The following SEC24A variants were observed in gnomAD, a reference collection of about 807,000 sequenced individuals.
SEC24A encodes SEC24 homolog A, COPII component.
In SEC24A, 93 loss-of-function variants were observed where a neutral mutation model predicts 129.4. The observed-to-expected ratio is 0.72, with a 90% CI of 0.61 to 0.85. The LOEUF is 0.85. Ranked by LOEUF, SEC24A falls within the 40% of genes least tolerant of loss-of-function variation. SEC24A has a pLI of 0.00. For missense variants in SEC24A, 1,264 were observed against 1,307.4 expected (o/e 0.97, Z 0.51); for synonymous variants, 460 against 467.3 (o/e 0.98, Z 0.20).
At chr5:134,701,863 T>C (rs1034805180) in intron 15 of SEC24A, among the ~76,000 whole-genome samples, 5 of 152,110 alleles carry the variant, frequency 3.3e-5, no homozygotes, top group African/African-American at 1.2e-4. Flanking sequence ...CTTGCTTAGG[T>C]TTCTCTTTTT....
At chr5:134,673,144 C>A (rs1388897221) in intron 4 of SEC24A, among the ~76,000 whole-genome samples, 2 of 147,486 alleles carry the variant, frequency 1.4e-5, no homozygotes, top group African/African-American at 5.0e-5. Context: ...CAACCTCCAA[C>A]TCCCTGGTTC....
At chr5:134,723,053 C>G (rs538692031) in intron 21 of SEC24A, among the ~76,000 whole-genome samples, 141 of 152,200 alleles carry the variant, frequency 9.3e-4, no homozygotes, top group African/African-American at 3.2e-3. Flanking sequence ...CTTGGTGGGG[C>G]TGAGGTGAGA....
intron 6 of SEC24A, among the ~76,000 whole-genome samples, 200 bp from the exon 7 acceptor site, chr5:134,675,823 T>G (rs1751040033): frequency 6.6e-6 from 1 of 152,242 alleles, no homozygotes; most frequent in Non-Finnish European, 1.5e-5. Flanking sequence ...TATATTTTAG[T>G]TATAGGATAA....
rs866284883 is a variant in SEC24A, at chr5:134,675,093, C to T, written c.1027C>T (p.Leu343=). 1 of 1,612,632 alleles carries T rather than the reference C, an allele frequency of 6.2e-7. No individual in the cohort carries two copies. The highest frequency in any genetic ancestry group is 1.3e-5 in the African/African-American group (1 of 74,914). Residue 343 remains leucine (L), a synonymous_variant, in exon 6 of 23, where the codon CTA becomes TTA. Transcript: ENST00000398844. ...AACCACAAGCATGAGTGGATTAAGT[C>T]TACAACCAGAGGGTCTAAGAGTTGT... ...HLTTSMSGLS[L]QPEGLRVVNL... is the part of the protein sequence containing the mutation.
In SEC24A at chr5:134,693,917, A is replaced by G. The variant is rs1751740786; in HGVS notation, c.1970A>G (p.His657Arg). Residue 657 changes from histidine (H) to arginine (R), a missense_variant, in exon 13 of 23, where the codon CAC becomes CGC. By Grantham distance (29) the His-to-Arg change is conservative. Coordinates refer to ENST00000398844, the MANE Select transcript of SEC24A (RefSeq NM_021982.3). ...GALKPREEPN[H>R]RSSAKDIHMT... is the part of the protein sequence containing the mutation. ...CTGAAACCACGAGAGGAACCAAACC[A>G]CAGGTCATCTGCTAAGGTTAGAGAG... The G allele has an allele frequency of 1.2e-6, 2 of 1,613,798 alleles. No individual in the cohort carries two copies. Among genetic ancestry groups the G allele is most frequent in the Admixed American group, 1.7e-5 (1 of 59,966 alleles).
At chr5:134,652,695 C>T (rs1750101632) in intron 1 of SEC24A, among the ~76,000 whole-genome samples, 1 of 152,206 alleles carries the variant, frequency 6.6e-6, no homozygotes, top group South Asian at 2.1e-4. Flanking sequence ...TCAAGCGATT[C>T]TCCTGCCTCA....
At chr5:134,697,616 C>T (rs764526284) in intron 14 of SEC24A, among the ~76,000 whole-genome samples, 2 of 152,062 alleles carry the variant, frequency 1.3e-5, no homozygotes, top group African/African-American at 2.4e-5. Flanking sequence ...ACTAGCCAGA[C>T]ATGGTGGCGC....
In SEC24A at chr5:134,674,704, A is replaced by C. The variant is rs377599789; in HGVS notation, c.907A>C (p.Thr303Pro). 1.0e-4 allele frequency: 165 copies of C among 1,613,934 alleles called. No homozygotes were observed. The highest frequency in any genetic ancestry group is 2.7e-4 in the Admixed American group (16 of 59,982). Reference sequence around the variant, plus strand: ...CTTACCACCTGGTTATCAGAACACAACACCACCTGGTGCAACTGGAGTACC... The same window carrying C: ...CTTACCACCTGGTTATCAGAACACACCACCACCTGGTGCAACTGGAGTACC... ...PSLPPGYQNT[T>P]PPGATGVPPS... The change falls in exon 5 of 23, where the codon ACA (threonine) becomes CCA (proline). Residue 303 changes from threonine to proline, a missense_variant. Thr to Pro is a conservative substitution (Grantham distance 38). Transcript: ENST00000398844.
In SEC24A at chr5:134,696,988, C is replaced by T. The variant is rs184936984; in HGVS notation, c.1987-138C>T. 3,184 of 504,432 alleles carry T rather than the reference C, an allele frequency of 6.3e-3. 16 individuals carry two copies. Among genetic ancestry groups the T allele is most frequent in the Non-Finnish European group, 8.9e-3 (2,606 of 291,706 alleles). 31.2% of individuals were successfully genotyped at this position (504,432 alleles called of 1,614,324 possible). A position where few individuals can be genotyped will look rare whatever the true frequency, so the allele number is the denominator to read the frequency against. ...CTTAATGAAAAATCAAGTAGTACCACAAAGGAAAAGGACTTTGTAGAATGC... is the reference window on the plus strand; with the variant it reads ...CTTAATGAAAAATCAAGTAGTACCATAAAGGAAAAGGACTTTGTAGAATGC... On this transcript the variant is annotated intron_variant, in intron 13 of 22. Coordinates refer to ENST00000398844, the MANE Select transcript of SEC24A (RefSeq NM_021982.3).
chr5:134,705,972 C>A (rs550613393), intron 17 of SEC24A, among the ~76,000 whole-genome samples: 4 of 151,450 alleles, frequency 2.6e-5, no homozygotes, highest in Admixed American at 2.6e-4. Context: ...ACCACAACCT[C>A]TATCTCCTGG....
chr5:134,715,240 G>T (rs1480534045), intron 19 of SEC24A, 79 bp downstream of exon 19: 2 of 1,219,924 alleles, frequency 1.6e-6, no homozygotes, highest in South Asian at 1.4e-5. Flanking sequence ...ATGAGGAAGG[G>T]TTTGTTTATT....
At chr5:134,663,446 T>G (rs1390086724) in intron 2 of SEC24A, among the ~76,000 whole-genome samples, 2 of 152,196 alleles carry the variant, frequency 1.3e-5, no homozygotes, top group Admixed American at 6.6e-5. Context: ...CGTAACAGTC[T>G]CTTACAGATC....
chr5:134,686,895 C>T lies in SEC24A; in HGVS notation c.1597C>T (p.Leu533=), dbSNP rs1433360425. The T allele has an allele frequency of 1.9e-6, 3 of 1,579,806 alleles. No homozygotes were observed. The highest frequency in any genetic ancestry group is 2.6e-6 in the Non-Finnish European group (3 of 1,154,846). The change falls in exon 10 of 23, where the codon CTG becomes TTG. Residue 533 remains leucine (L), a synonymous_variant. Coordinates refer to ENST00000398844, the MANE Select transcript of SEC24A (RefSeq NM_021982.3). ...AGTTTGCCAGAGTTTGTTAGACAAT[C>T]TGGATTTGTAAGTTTCTCAATTCAG... The part of the protein sequence containing the change: ...NSVCQSLLDN[L]DLLPGNTRTK...
In SEC24A at chr5:134,675,120, A is replaced by G; in HGVS notation, c.1054A>G (p.Asn352Asp). 1 of 1,613,722 alleles carries G rather than the reference A, an allele frequency of 6.2e-7. No homozygotes were observed. The highest frequency in any genetic ancestry group is 8.5e-7 in the Non-Finnish European group (1 of 1,179,734). The change falls in exon 6 of 23, where the codon AAT (asparagine) becomes GAT (aspartate). Residue 352 changes from asparagine (N) to aspartate (D), a missense_variant. By Grantham distance (23) the Asn-to-Asp change is conservative. Transcript: ENST00000398844. ...ACAACCAGAGGGTCTAAGAGTTGTCAATCTTCTTCAAGAAAGAAACATGCT... is the reference window on the plus strand; with the variant it reads ...ACAACCAGAGGGTCTAAGAGTTGTCGATCTTCTTCAAGAAAGAAACATGCT... The part of the protein sequence containing the change: ...SLQPEGLRVV[N>D]LLQERNMLPS...
intron 2 of SEC24A, among the ~76,000 whole-genome samples, chr5:134,662,375 C>CT (rs1249968284): frequency 6.6e-6 from 1 of 151,964 alleles, no homozygotes; most frequent in African/African-American, 2.4e-5. Context: ...AGGATGGTCT[C>CT]GATCTCCTGA....
intron 14 of SEC24A, among the ~76,000 whole-genome samples, chr5:134,697,558 G>A (rs539185307): frequency 2.6e-4 from 40 of 152,152 alleles, no homozygotes; most frequent in African/African-American, 8.9e-4. Flanking sequence ...GGGCAACATA[G>A]GAAGACCCTG....
rs568041149 is a variant in SEC24A, at chr5:134,726,334, G to C, written c.*1240G>C. ...TTAAGAGTTTGGCTCAGTTTTCACA[G>C]ATTCATTTTGTCTTAAGAATTTCTT... is the stretch of plus-strand genomic sequence containing the variant. On this transcript the variant is annotated 3_prime_UTR_variant, in exon 23 of 23. Transcript: ENST00000398844. 1.4e-4 allele frequency: 22 copies of C among 152,670 alleles called. No homozygotes were observed. The highest frequency in any genetic ancestry group is 2.6e-4 in the Non-Finnish European group (18 of 67,958). 9.5% of individuals were successfully genotyped at this position (152,670 alleles called of 1,614,324 possible).
intron 3 of SEC24A, among the ~76,000 whole-genome samples, chr5:134,667,237 G>T (rs558140501): frequency 6.6e-6 from 1 of 151,930 alleles, no homozygotes; most frequent in Non-Finnish European, 1.5e-5. Context: ...GTTGCTATGC[G>T]GATTTTTTAA....
intron 19 of SEC24A, 179 bp downstream of exon 19, chr5:134,715,340 G>T (rs1752445930): frequency 2.0e-6 from 1 of 511,346 alleles, no homozygotes; most frequent in Admixed American, 3.9e-5. Flanking sequence ...CTTAAAAATA[G>T]TGCCTTTAAG....
Sources: gnomAD v4.1 joint callset for allele counts (sites outside exome capture counted in the v4.1 genomes callset) on GRCh38, gnomAD v4.1.1 for gene constraint, MANE v1.5 for transcripts, NCBI Gene and HGNC (gene_info 2026-07-23, HGNC 2026-07-21) for gene names.